Variants in FAM227B observed in about 807,000 individuals in gnomAD.
The protein encoded by FAM227B is family with sequence similarity 227 member B.
FAM227B carries 88 observed loss-of-function variants against 73.8 expected under a neutral mutation model. The observed-to-expected ratio is 1.19, with a 90% CI of 1.00 to 1.42. FAM227B has a LOEUF of 1.42. FAM227B is among the 40% of genes most tolerant of loss of function. The pLI is 0.00. For synonymous variants in FAM227B, 210 were observed against 190.5 expected (o/e 1.10, Z -0.84); for missense variants, 632 against 590.9 (o/e 1.07, Z -0.72).
At chr15:49,451,588 C>T (rs939179382) in intron 11 of FAM227B, among the ~76,000 whole-genome samples, 11 of 151,834 alleles carry the variant, frequency 7.2e-5, no homozygotes, top group African/African-American at 2.7e-4. Flanking sequence ...CTCTTCAATT[C>T]ACCTTTAAAT....
chr15:49,579,049 T>G (rs909064344), intron 5 of FAM227B, among the ~76,000 whole-genome samples: 3 of 152,100 alleles, frequency 2.0e-5, no homozygotes, highest in Non-Finnish European at 2.9e-5. Flanking sequence ...ATAAATGGCC[T>G]ACGAAAAACG....
At chr15:49,335,789 A>C (rs931328014) in intron 13 of FAM227B, among the ~76,000 whole-genome samples, 2 of 152,228 alleles carry the variant, frequency 1.3e-5, no homozygotes, top group African/African-American at 4.8e-5. Flanking sequence ...TAAAAGCAGC[A>C]ACTTGTTAAA....
intron 11 of FAM227B, among the ~76,000 whole-genome samples, chr15:49,416,794 CACACAA>C (rs907204632): frequency 1.3e-5 from 2 of 151,420 alleles, no homozygotes; most frequent in Non-Finnish European, 3.0e-5. Flanking sequence ...CACACACACA[CACACAA>C]ACACACAAAT....
chr15:49,616,710 G>C (rs72731111), intron 1 of FAM227B, among the ~76,000 whole-genome samples: 8,404 of 152,200 alleles, frequency 0.055, 333 homozygotes, highest in East Asian at 0.13. Flanking sequence ...GACTAATACA[G>C]ATATAAGCTA....
At chr15:49,411,074 A>T (rs1410686146) in intron 11 of FAM227B, among the ~76,000 whole-genome samples, 2 of 151,624 alleles carry the variant, frequency 1.3e-5, no homozygotes, top group Non-Finnish European at 2.9e-5. Context: ...AAAAAAATAT[A>T]AAAAAGTGGA....
chr15:49,551,410 A>T (rs1333824128), intron 9 of FAM227B, among the ~76,000 whole-genome samples: 2 of 152,180 alleles, frequency 1.3e-5, no homozygotes, highest in Non-Finnish European at 2.9e-5. Context: ...TGTCTGATAC[A>T]AGTATAGCAA....
At position 49,366,649 on chromosome 15, in the gene FAM227B, G is replaced by A. The variant is rs895279380; in HGVS notation, c.1271+799C>T. ...GGAGCAGGAAGCCCCAGAGCAGGGC[G>A]GCCGTGGCAGGGGACAGCCGCCGCT... On this transcript the variant is annotated intron_variant, in intron 13 of 15. Coordinates refer to ENST00000299338, the MANE Select transcript of FAM227B (RefSeq NM_152647.3). 2.9e-5 allele frequency: 46 copies of A among 1,563,096 alleles called. No homozygotes were observed. In the Middle Eastern group the frequency reaches 8.1e-4, roughly 27 times the overall value.
chr15:49,467,156 G>A (rs1263693810), intron 11 of FAM227B, among the ~76,000 whole-genome samples: 3 of 152,116 alleles, frequency 2.0e-5, no homozygotes, highest in Non-Finnish European at 1.5e-5. Context: ...TAAAATAAAG[G>A]GAGAAAGTGG....
Position 49,575,059 on chromosome 15 carries a change from A to T in FAM227B, c.597T>A (p.Ile199=), listed in dbSNP as rs765547304. ...ACCAAAAGGAGTCATGCAAAAGAGCAATGGAGGCTTCTGAGAGAAAATGAG... is the reference window on the plus strand; with the variant it reads ...ACCAAAAGGAGTCATGCAAAAGAGCTATGGAGGCTTCTGAGAGAAAATGAG... ...WKTHFLSEAS[I]ALLHDSFWWW... is the part of the protein sequence containing the mutation. Residue 199 remains isoleucine (I), a synonymous_variant, in exon 8 of 16, where the codon ATT becomes ATA. Coordinates refer to ENST00000299338, the MANE Select transcript of FAM227B (RefSeq NM_152647.3). The T allele has an allele frequency of 2.5e-6, 4 of 1,602,858 alleles. No homozygotes were observed. In the East Asian group the frequency reaches 9.0e-5, roughly 36 times the overall value.
chr15:49,370,600 AG>A (rs1431223518), intron 12 of FAM227B, among the ~76,000 whole-genome samples: 1 of 152,250 alleles, frequency 6.6e-6, no homozygotes, highest in Non-Finnish European at 1.5e-5. Flanking sequence ...ACTGACTTTC[AG>A]AAAGTGGTTT....
At chr15:49,526,828 C>T (rs1454842020) in intron 10 of FAM227B, among the ~76,000 whole-genome samples, 3 of 151,854 alleles carry the variant, frequency 2.0e-5, no homozygotes, top group Non-Finnish European at 4.4e-5. Flanking sequence ...AATATACAAC[C>T]TCCCATGATT....
At chr15:49,413,487 A>G (rs2049008490) in intron 11 of FAM227B, among the ~76,000 whole-genome samples, 2 of 152,058 alleles carry the variant, frequency 1.3e-5, no homozygotes, top group Admixed American at 1.3e-4. Flanking sequence ...GAACAGACTA[A>G]TAACAGTCTC....
intron 9 of FAM227B, among the ~76,000 whole-genome samples, chr15:49,549,598 T>C (rs1345555561): frequency 6.6e-6 from 1 of 151,918 alleles, no homozygotes; most frequent in Non-Finnish European, 1.5e-5. Context: ...TTAATCCATT[T>C]AACCCTGAGT....
intron 9 of FAM227B, among the ~76,000 whole-genome samples, chr15:49,564,759 G>A (rs2074513203): frequency 6.6e-6 from 1 of 151,968 alleles, no homozygotes; most frequent in Admixed American, 6.6e-5. Context: ...AATACCACAT[G>A]TTCTCACTTA....
At chr15:49,505,569 A>G (rs1273660094) in intron 11 of FAM227B, among the ~76,000 whole-genome samples, 1 of 152,118 alleles carries the variant, frequency 6.6e-6, no homozygotes, top group Non-Finnish European at 1.5e-5. Flanking sequence ...TAAGTTAAGT[A>G]GGACAATATT....
intron 11 of FAM227B, among the ~76,000 whole-genome samples, chr15:49,400,903 A>G (rs2048090705): frequency 6.6e-6 from 1 of 151,952 alleles, no homozygotes; most frequent in Admixed American, 6.5e-5. Flanking sequence ...AAACCCTAGA[A>G]GAAAACCTAG....
intron 11 of FAM227B, among the ~76,000 whole-genome samples, chr15:49,397,675 G>A (rs1310285503): frequency 6.6e-6 from 1 of 152,226 alleles, no homozygotes; most frequent in African/African-American, 2.4e-5. Flanking sequence ...CAAGCCAGAA[G>A]AGAGTGGGGG....
At chr15:49,585,239 G>C (rs1446204810) in intron 5 of FAM227B, among the ~76,000 whole-genome samples, 1 of 152,158 alleles carries the variant, frequency 6.6e-6, no homozygotes, top group East Asian at 1.9e-4. Context: ...TTACACTGTT[G>C]GTGGGGACTG....
At chr15:49,396,555 A>G (rs2047658728) in intron 11 of FAM227B, 1 of 158,586 alleles carries the variant, frequency 6.3e-6, no homozygotes, top group Non-Finnish European at 1.4e-5. Context: ...GGCACAGACA[A>G]ACAAAAAGAC....
Sources: allele counts gnomAD v4.1 joint callset (sites outside exome capture counted in the v4.1 genomes callset), GRCh38; gene constraint gnomAD v4.1.1; transcripts MANE v1.5; gene names NCBI Gene and HGNC (gene_info 2026-07-23, HGNC 2026-07-21).